The following PCNT variants were observed in gnomAD, a reference collection of about 807,000 sequenced individuals.
PCNT encodes kendrin.
PCNT carries 319 observed loss-of-function variants against 380.4 expected under a neutral mutation model. The observed-to-expected ratio is 0.84, with a 90% CI of 0.77 to 0.92. The LOEUF (loss-of-function observed/expected upper bound fraction) is 0.92, where lower values mean the gene tolerates loss of function less well. Ranked by LOEUF, PCNT falls within the 40% of genes least tolerant of loss-of-function variation. PCNT has a pLI of 0.00. For synonymous variants in PCNT, 1,845 were observed against 1,735.2 expected, an observed-to-expected ratio of 1.06 and a Z score of -1.57; for missense variants, 4,400 against 4,255.3, an observed-to-expected ratio of 1.03 and a Z score of -0.95.
At position 46,381,824 on chromosome 21, in the gene PCNT, A is replaced by G. The variant is rs368111523; in HGVS notation, c.3296A>G (p.Asn1099Ser). Residue 1099 changes from asparagine (N) to serine (S), a missense_variant, in exon 16 of 47, where the codon AAT (asparagine) becomes AGT (serine). Transcript: ENST00000359568. ...ESLSLQLQKK[N>S]HQVQQLKDQV... is the part of the protein sequence containing the mutation. ...TTGTCTCTGCAGCTTCAAAAGAAGA[A>G]TCACCAAGTCCAGCAGGTGTGTGGA... The G allele has an allele frequency of 5.0e-6, 8 of 1,614,250 alleles. No homozygotes were observed. The highest frequency in any genetic ancestry group is 1.1e-5 in the South Asian group (1 of 91,090).
intron 15 of PCNT, among the ~76,000 whole-genome samples, chr21:46,381,247 T>C (rs2085529590): frequency 6.8e-6 from 1 of 146,600 alleles, no homozygotes; most frequent in Non-Finnish European, 1.5e-5. Context: ...TGTGTGTGTA[T>C]AGAATTCATC....
In PCNT at chr21:46,388,135, G is replaced by A. The variant is rs1332659417; in HGVS notation, c.3465-607G>A. The stretch of plus-strand genomic sequence containing the variant: ...TGAGGCAGGAGAAAGGCGTGAACCC[G>A]GGAGGTGGAGCTTGCAGTGAGCCAA... On this transcript the variant is annotated intron_variant, in intron 17 of 46. Coordinates refer to ENST00000359568, the MANE Select transcript of PCNT (RefSeq NM_006031.6). This position sits in a 1 kb window ranked among gnomAD's most constrained non-coding sequence, Gnocchi z 4.2. Among the ~76,000 whole-genome samples, 1 of 152,068 alleles carries A rather than the reference G, an allele frequency of 6.6e-6. No homozygotes were observed. The highest frequency in any genetic ancestry group is 2.4e-5 in the African/African-American group (1 of 41,420).
In PCNT at chr21:46,355,445, T is replaced by C. The variant is rs2084437676; in HGVS notation, c.1762-7T>C. 6.2e-7 allele frequency: 1 copy of C among 1,613,432 alleles called. No homozygotes were observed. The highest frequency in any genetic ancestry group is 8.5e-7 in the Non-Finnish European group (1 of 1,180,018). ...TAACGTGCTTGTCCCACGTGGTTTC[T>C]CTGTAGGAGAGCCTGCCACGCTTCC... is the stretch of plus-strand genomic sequence containing the variant. On this transcript the variant is annotated splice_polypyrimidine_tract_variant and splice_region_variant and intron_variant, in intron 11 of 46. Transcript: ENST00000359568.
In PCNT at chr21:46,334,512, A is replaced by C; in HGVS notation, c.383A>C (p.Glu128Ala). 3.7e-6 allele frequency: 6 copies of C among 1,610,076 alleles called. No homozygotes were observed. The highest frequency in any genetic ancestry group is 4.2e-6 in the Non-Finnish European group (5 of 1,177,350). Residue 128 changes from glutamate to alanine, a missense_variant, in exon 3 of 47, where the codon GAA becomes GCA. By Grantham distance (107) the Glu-to-Ala change is moderately radical. Coordinates refer to ENST00000359568, the MANE Select transcript of PCNT (RefSeq NM_006031.6). ...TTCACAGTCAGTGACCACCCACCAG[A>C]ACAGCATGGGATGTTCACAGTCGGT... ...GMFTVSDHPPEQHGMFTVGDH... is the reference protein window; with the variant it reads ...GMFTVSDHPPAQHGMFTVGDH...
rs571729173 is a variant in PCNT at position 46,356,503 on chromosome 21, G to C, written c.1937-471G>C. Among the ~76,000 whole-genome samples, 4 of 152,388 alleles carry C rather than the reference G, an allele frequency of 2.6e-5. No individual in the cohort carries two copies. In the South Asian group the frequency reaches 8.3e-4, roughly 32 times the overall value. ...TCTGCAGAAGAAGAGATGGGCCAGT[G>C]GGGGTAGCGTGCCTGGGCACAGAAC... On this transcript the variant is annotated intron_variant, in intron 12 of 46. Transcript: ENST00000359568.
At position 46,373,431 on chromosome 21, in the gene PCNT, C is replaced by CT. The variant is rs35866515; in HGVS notation, c.3165+6311dup. Among the ~76,000 whole-genome samples, 1,097 of 116,648 alleles carry CT rather than the reference C, an allele frequency of 9.4e-3. 32 individuals carry two copies. The highest frequency in any genetic ancestry group is 0.017 in the African/African-American group (506 of 29,606). The allele number at this position is 116,648 out of a possible 152,430, so 76.5% of individuals were successfully genotyped here. A position where few individuals can be genotyped will look rare whatever the true frequency, so the allele number is the denominator to read the frequency against. Reference sequence around the variant, plus strand: ...TGCTAGGGATGTGCATGTCAATACTCTTTTTTTTTTTTTTTTTTTGAGACA... The same window carrying CT: ...TGCTAGGGATGTGCATGTCAATACTCTTTTTTTTTTTTTTTTTTTTGAGACA... On this transcript the variant is annotated intron_variant, in intron 15 of 46. Transcript: ENST00000359568.
intron 37 of PCNT, 104 bp from the exon 38 acceptor site, chr21:46,431,425 T>C: frequency 1.3e-6 from 2 of 1,590,082 alleles, no homozygotes; most frequent in Non-Finnish European, 1.7e-6. Flanking sequence ...TTTCAAAAGG[T>C]AGAATTGCTG....
Position 46,442,593 on chromosome 21 carries a change from T to A in PCNT, c.9700+20T>A. 6.7e-7 allele frequency: 1 copy of A among 1,482,588 alleles called. No homozygotes were observed. 91.8% of individuals were successfully genotyped at this position (1,482,588 alleles called of 1,614,324 possible). A position where few individuals can be genotyped will look rare whatever the true frequency, so the allele number is the denominator to read the frequency against. ...GCCCAGGTGGGACTCCAGCTGCTGT[T>A]GACCGCTGGACTCACAAACCTTTCT... is the stretch of plus-strand genomic sequence containing the variant. On this transcript the variant is annotated intron_variant, in intron 44 of 46. Coordinates refer to ENST00000359568, the MANE Select transcript of PCNT (RefSeq NM_006031.6).
chr21:46,363,657 G>C lies in PCNT; in HGVS notation c.2332G>C (p.Ala778Pro). 1 of 1,614,230 alleles carries C rather than the reference G, an allele frequency of 6.2e-7. No individual in the cohort carries two copies. The highest frequency in any genetic ancestry group is 8.5e-7 in the Non-Finnish European group (1 of 1,180,044). The change falls in exon 14 of 47, where the codon GCT becomes CCT. Residue 778 changes from alanine (A) to proline (P), a missense_variant. Transcript: ENST00000359568. ...GATGCTACTTGAACTGAGAGAAAAG[G>C]CTGAATCCGAGAAACAGACCATCAT... Reference protein sequence around the residue: ...TLMLLELREKAESEKQTIINK... With the variant: ...TLMLLELREKPESEKQTIINK...
chr21:46,419,618 C>T (rs1183464489), intron 31 of PCNT, among the ~76,000 whole-genome samples: 1 of 152,232 alleles, frequency 6.6e-6, no homozygotes, highest in Non-Finnish European at 1.5e-5. Flanking sequence ...TCAGTTTCTC[C>T]TGTGTGCTTC....
chr21:46,423,723 GA>G (rs1467579306), intron 32 of PCNT, among the ~76,000 whole-genome samples: 1 of 6,160 alleles, frequency 1.6e-4, no homozygotes, highest in Non-Finnish European at 3.6e-4. Context: ...AGGAGGAAGA[GA>G]AGGGGAGGGG....
chr21:46,408,345 C>T (rs1264986450), intron 27 of PCNT, among the ~76,000 whole-genome samples: 1 of 152,166 alleles, frequency 6.6e-6, no homozygotes, highest in African/African-American at 2.4e-5. Context: ...AGTGATGAAT[C>T]GAGCCACCAT....
chr21:46,426,001 C>T, intron 33 of PCNT, 30 bp downstream of exon 33: 1 of 1,609,528 alleles, frequency 6.2e-7, no homozygotes, highest in African/African-American at 1.3e-5. Context: ...CACTTCTTTT[C>T]CAAAGGATTT....
At chr21:46,358,632 T>TG (rs1031466177) in intron 13 of PCNT, among the ~76,000 whole-genome samples, 25 of 151,222 alleles carry the variant, frequency 1.7e-4, no homozygotes, top group East Asian at 7.7e-4. Flanking sequence ...TGTTTTGTTT[T>TG]TTTTTTTTTT....
chr21:46,342,791 AGT>A (rs2083947119), intron 3 of PCNT, among the ~76,000 whole-genome samples: 1 of 152,114 alleles, frequency 6.6e-6, no homozygotes, highest in African/African-American at 2.4e-5. Context: ...GGCCTCCCAA[AGT>A]GCTGGGATTG....
At chr21:46,415,314 T>C (rs2086980252) in intron 29 of PCNT, among the ~76,000 whole-genome samples, 1 of 150,960 alleles carries the variant, frequency 6.6e-6, no homozygotes, top group South Asian at 2.1e-4. Flanking sequence ...GCCCTTCGCA[T>C]CTCCTGCGGC....
intron 30 of PCNT, among the ~76,000 whole-genome samples, chr21:46,417,209 T>G (rs1436208073): frequency 8.0e-6 from 1 of 124,534 alleles, no homozygotes; most frequent in African/African-American, 3.9e-5. Flanking sequence ...TTTTTTTTTT[T>G]GTGAGATGGA....
intron 44 of PCNT, 148 bp downstream of exon 44, chr21:46,442,721 C>G (rs2053642479): frequency 1.4e-6 from 1 of 696,506 alleles, no homozygotes; most frequent in African/African-American, 1.8e-5. Context: ...AGCAGTCGTC[C>G]AGAGGGAAGG....
rs1316927891 is a variant in PCNT at position 46,398,232 on chromosome 21, C to T, written c.4564-3C>T. On this transcript the variant is annotated splice_polypyrimidine_tract_variant and splice_region_variant and intron_variant, in intron 23 of 46. Coordinates refer to ENST00000359568, the MANE Select transcript of PCNT (RefSeq NM_006031.6). Reference sequence around the variant, plus strand: ...TTGCCTTCCATGTACATGAAATCGGCAGCAGGCGCCGCTGGATGGAGAGGT... The same window carrying T: ...TTGCCTTCCATGTACATGAAATCGGTAGCAGGCGCCGCTGGATGGAGAGGT... 1 of 1,607,824 alleles carries T rather than the reference C, an allele frequency of 6.2e-7. No individual in the cohort carries two copies. Among genetic ancestry groups the T allele is most frequent in the Admixed American group, 1.7e-5 (1 of 59,398 alleles).
Sources: gnomAD v4.1 joint callset for allele counts (sites outside exome capture counted in the v4.1 genomes callset) on GRCh38, gnomAD v4.1.1 for gene constraint, Gnocchi (gnomAD v3.1) non-coding constraint, MANE v1.5 for transcripts, NCBI Gene and HGNC (gene_info 2026-07-23, HGNC 2026-07-21) for gene names.